Variants in TMEM255B observed in about 807,000 individuals in gnomAD.
TMEM255B encodes transmembrane protein 255B, also known as family with sequence similarity 70, member B.
A neutral mutation model predicts 34.5 loss-of-function variants in TMEM255B; 35 were observed. The observed-to-expected ratio is 1.01, with a 90% CI of 0.77 to 1.34. The LOEUF (loss-of-function observed/expected upper bound fraction) is 1.34. Among genes scored for constraint, TMEM255B ranks in the 40% most tolerant of loss-of-function variants. The pLI is 0.00. For missense variants in TMEM255B, 432 were observed against 433.2 expected, an observed-to-expected ratio of 1.00 and a Z score of 0.02; for synonymous variants, 206 against 201.2, an observed-to-expected ratio of 1.02 and a Z score of -0.20.
chr13:113,794,076 A>G (rs1255337447), intron 3 of TMEM255B, among the ~76,000 whole-genome samples: 1 of 152,188 alleles, frequency 6.6e-6, no homozygotes, highest in Non-Finnish European at 1.5e-5. Context: ...TGGGGCAGAG[A>G]TGGACACACA....
At chr13:113,777,980 C>G (rs1303442937) in intron 3 of TMEM255B, among the ~76,000 whole-genome samples, 2 of 152,212 alleles carry the variant, frequency 1.3e-5, no homozygotes, top group African/African-American at 2.4e-5. Context: ...CCGGTCAGGG[C>G]TGGCCAGGGT....
chr13:113,779,657 C>A (rs1007824282), intron 3 of TMEM255B, among the ~76,000 whole-genome samples: 1 of 152,178 alleles, frequency 6.6e-6, no homozygotes, highest in Admixed American at 6.5e-5. Context: ...TCTGCTGATA[C>A]ATCTCGTCTT....
At position 113,807,575 on chromosome 13, in the gene TMEM255B, G is replaced by A. The variant is rs1486730564; in HGVS notation, c.813+2547G>A. Reference sequence around the variant, plus strand: ...TCCTCCCCGTCACACGCAGGCTTACGGGATGTGGGGGTGGTCCTCCCTGTC... The same window carrying A: ...TCCTCCCCGTCACACGCAGGCTTACAGGATGTGGGGGTGGTCCTCCCTGTC... On this transcript the variant is annotated intron_variant, in intron 8 of 8. Coordinates refer to ENST00000375353, the MANE Select transcript of TMEM255B (RefSeq NM_182614.4). Among the ~76,000 whole-genome samples the A allele has an allele frequency of 1.5e-5, 2 of 132,112 alleles. 1 individual carries two copies. The highest frequency in any genetic ancestry group is 5.4e-4 in the South Asian group (2 of 3,728). The allele number at this position is 132,112 out of a possible 152,430, so 86.7% of individuals were successfully genotyped here. A position where few individuals can be genotyped will look rare whatever the true frequency, so the allele number is the denominator to read the frequency against.
At chr13:113,801,585 G>T (rs994755958) in intron 6 of TMEM255B, 68 bp from the exon 7 acceptor site, 1 of 1,510,136 alleles carries the variant, frequency 6.6e-7, no homozygotes. Context: ...AGGTCCAGAG[G>T]ACACAAGTTT....
In TMEM255B at chr13:113,784,098, G is replaced by A. The variant is rs143094996; in HGVS notation, c.253-11050G>A. On this transcript the variant is annotated intron_variant, in intron 3 of 8. Transcript: ENST00000375353. ...GCCGTGTTACCATAAAAAACTAAAC[G>A]CTTTGGCTTTAGGCTCCCCTGTAAG... 6.0e-3 allele frequency among the ~76,000 whole-genome samples: 907 copies of A among 152,232 alleles called. 10 individuals are homozygous for A. The highest frequency in any genetic ancestry group is 0.02 in the African/African-American group (812 of 41,524).
In TMEM255B at chr13:113,770,783, G is replaced by T. The variant is rs9577905; in HGVS notation, c.252+1623G>T. Among the ~76,000 whole-genome samples the T allele has an allele frequency of 2.6e-5, 4 of 152,252 alleles. No individual in the cohort carries two copies. Among genetic ancestry groups the T allele is most frequent in the African/African-American group, 7.2e-5 (3 of 41,554 alleles). On this transcript the variant is annotated intron_variant, in intron 3 of 8. Coordinates refer to ENST00000375353, the MANE Select transcript of TMEM255B (RefSeq NM_182614.4). The surrounding 1 kb of genome is among the most constrained non-coding windows in gnomAD (Gnocchi z 4.6). ...AGACGCCACCTTTGGGAGCCAGCATGCCCCCATGATGGTCTCTAGACAGCA... is the reference window on the plus strand; with the variant it reads ...AGACGCCACCTTTGGGAGCCAGCATTCCCCCATGATGGTCTCTAGACAGCA...
At chr13:113,772,886 C>T (rs767387508) in intron 3 of TMEM255B, among the ~76,000 whole-genome samples, 1 of 152,138 alleles carries the variant, frequency 6.6e-6, no homozygotes, top group East Asian at 1.9e-4. Flanking sequence ...AATTCTGAAT[C>T]CCTTGCAATT....
intron 7 of TMEM255B, 123 bp from the exon 8 acceptor site, chr13:113,804,762 G>T (rs931652869): frequency 3.4e-5 from 25 of 728,030 alleles, no homozygotes; most frequent in Non-Finnish European, 4.6e-5. Flanking sequence ...AACGCACGCC[G>T]GGCCGGGGTT....
At chr13:113,778,655 C>A (rs2050619095) in intron 3 of TMEM255B, among the ~76,000 whole-genome samples, 1 of 151,882 alleles carries the variant, frequency 6.6e-6, no homozygotes, top group Non-Finnish European at 1.5e-5. Context: ...ACCTGTGGTA[C>A]TGTGGCGTCT....
chr13:113,781,490 C>T (rs760582194), intron 3 of TMEM255B, among the ~76,000 whole-genome samples: 7 of 152,182 alleles, frequency 4.6e-5, no homozygotes, highest in Non-Finnish European at 1.0e-4. Context: ...ACTGTTTCTT[C>T]AATAGTCTTA....
At chr13:113,784,891 A>G (rs61966744) in intron 3 of TMEM255B, among the ~76,000 whole-genome samples, 1,589 of 152,302 alleles carry the variant, frequency 0.01, 18 homozygotes, top group African/African-American at 0.032. Context: ...ACCAAATGTA[A>G]GAGTTAAAGA....
At chr13:113,786,543 T>C (rs575456204) in intron 3 of TMEM255B, among the ~76,000 whole-genome samples, 1 of 148,008 alleles carries the variant, frequency 6.8e-6, no homozygotes, top group South Asian at 2.2e-4. Context: ...ATCACCATTG[T>C]CACCATCGTC....
chr13:113,805,829 T>A (rs913016665), intron 8 of TMEM255B, among the ~76,000 whole-genome samples: 4 of 152,124 alleles, frequency 2.6e-5, no homozygotes, highest in African/African-American at 9.7e-5. Flanking sequence ...CTGGTCCTGA[T>A]AAACGTGGGC....
chr13:113,787,215 C>G (rs1247310553), intron 3 of TMEM255B, among the ~76,000 whole-genome samples: 1 of 152,210 alleles, frequency 6.6e-6, no homozygotes, highest in Admixed American at 6.5e-5. Context: ...TTCGGAAGAG[C>G]TACATTGGGC....
At chr13:113,763,678 C>G (rs893139085) in intron 1 of TMEM255B, among the ~76,000 whole-genome samples, 2 of 152,180 alleles carry the variant, frequency 1.3e-5, no homozygotes, top group Non-Finnish European at 2.9e-5. Flanking sequence ...TTTATTTTCC[C>G]TTTTGCATTT....
chr13:113,766,519 T>C (rs921934409), intron 2 of TMEM255B: 5 of 567,156 alleles, frequency 8.8e-6, no homozygotes, highest in African/African-American at 1.9e-5. Flanking sequence ...CCCTCCATTG[T>C]CTGGGTTGGC....
intron 1 of TMEM255B, among the ~76,000 whole-genome samples, chr13:113,763,194 C>T (rs541194897): frequency 6.6e-6 from 1 of 152,330 alleles, no homozygotes; most frequent in Non-Finnish European, 1.5e-5. Context: ...TGAAAATCGA[C>T]ACACAGCCCA....
intron 3 of TMEM255B, among the ~76,000 whole-genome samples, chr13:113,788,933 C>T (rs961903460): frequency 2.0e-5 from 3 of 152,186 alleles, no homozygotes; most frequent in South Asian, 2.1e-4. Flanking sequence ...TGGAGGCCAC[C>T]GACCGACTGC....
chr13:113,808,793 G>GGT (rs1491222279), intron 8 of TMEM255B, among the ~76,000 whole-genome samples: 3 of 16,094 alleles, frequency 1.9e-4, no homozygotes, highest in South Asian at 2.6e-3. Context: ...TGTGGTTCCT[G>GGT]GGGGGGGGGT....
Sources: gnomAD v4.1 joint callset for allele counts (sites outside exome capture counted in the v4.1 genomes callset) on GRCh38, gnomAD v4.1.1 for gene constraint, Gnocchi (gnomAD v3.1) non-coding constraint, MANE v1.5 for transcripts, NCBI Gene and HGNC (gene_info 2026-07-23, HGNC 2026-07-21) for gene names.